The following SYK variants were observed in gnomAD, a reference collection of about 807,000 sequenced individuals.
SYK encodes the protein spleen associated tyrosine kinase.
A neutral mutation model predicts 77.8 loss-of-function variants in SYK; 16 were observed. The observed-to-expected ratio is 0.21, with a 90% CI of 0.14 to 0.31. The LOEUF is 0.31. Ranked by LOEUF, SYK falls within the 10% of genes least tolerant of loss-of-function variation. SYK has a pLI of 1.00. For synonymous variants in SYK, 312 were observed against 308.7 expected, an observed-to-expected ratio of 1.01 and a Z score of -0.11; for missense variants, 529 against 814.4, an observed-to-expected ratio of 0.65 and a Z score of 4.26.
chr9:90,842,483 TTG>T (rs1826404072), intron 1 of SYK, among the ~76,000 whole-genome samples: 1 of 151,364 alleles, frequency 6.6e-6, no homozygotes, highest in South Asian at 2.1e-4. Context: ...TGTATGTAGT[TTG>T]TGTGTATGTG....
chr9:90,852,815 G>A (rs1826869398), intron 3 of SYK, among the ~76,000 whole-genome samples: 1 of 152,200 alleles, frequency 6.6e-6, no homozygotes, highest in Admixed American at 6.5e-5. Flanking sequence ...CAGACATGCA[G>A]CAGGCATTGT....
intron 3 of SYK, among the ~76,000 whole-genome samples, chr9:90,853,288 G>A (rs548412164): frequency 6.7e-6 from 1 of 150,310 alleles, no homozygotes; most frequent in East Asian, 1.9e-4. Flanking sequence ...GAGCAAGTGG[G>A]CTGACTGGAT....
chr9:90,851,674 G>T (rs1382082287), intron 3 of SYK, among the ~76,000 whole-genome samples: 1 of 152,098 alleles, frequency 6.6e-6, no homozygotes, highest in Non-Finnish European at 1.5e-5. Context: ...GAGATCCCCT[G>T]CCCCCAGAGG....
chr9:90,826,011 T>A (rs1389348099), intron 1 of SYK, among the ~76,000 whole-genome samples: 2 of 152,132 alleles, frequency 1.3e-5, no homozygotes, highest in African/African-American at 4.8e-5. Flanking sequence ...CCCTAAGAAT[T>A]TTCATATCCT....
chr9:90,804,814 T>C (rs923440850), intron 1 of SYK, among the ~76,000 whole-genome samples: 2 of 152,240 alleles, frequency 1.3e-5, no homozygotes, highest in African/African-American at 2.4e-5. Context: ...GGTTTTCTAC[T>C]GAGGGATTGT....
At chr9:90,889,562 C>A (rs992773915) in intron 13 of SYK, among the ~76,000 whole-genome samples, 1 of 152,262 alleles carries the variant, frequency 6.6e-6, no homozygotes. Flanking sequence ...GGGAGTATCA[C>A]TCTACCACAA....
At chr9:90,852,009 G>T (rs1325991162) in intron 3 of SYK, among the ~76,000 whole-genome samples, 1 of 152,130 alleles carries the variant, frequency 6.6e-6, no homozygotes, top group Non-Finnish European at 1.5e-5. Context: ...TTAATTAACT[G>T]CCTGACACGT....
At chr9:90,873,155 G>A (rs750595016) in intron 7 of SYK, among the ~76,000 whole-genome samples, 5 of 152,108 alleles carry the variant, frequency 3.3e-5, no homozygotes, top group African/African-American at 7.2e-5. Context: ...TTGGTTTCTC[G>A]CCTTGTAATA....
At chr9:90,891,825 C>T (rs1828804608) in intron 13 of SYK, among the ~76,000 whole-genome samples, 1 of 152,096 alleles carries the variant, frequency 6.6e-6, no homozygotes, top group Non-Finnish European at 1.5e-5. Context: ...TGCTTGAGGC[C>T]CTCCAGAAGA....
chr9:90,835,997 A>C (rs1826068683), intron 1 of SYK, among the ~76,000 whole-genome samples: 1 of 152,202 alleles, frequency 6.6e-6, no homozygotes, highest in South Asian at 2.1e-4. Flanking sequence ...CCAGAAATAT[A>C]AAAAATGTTG....
chr9:90,875,539 C>T (rs1391202924), intron 9 of SYK, among the ~76,000 whole-genome samples: 1 of 152,124 alleles, frequency 6.6e-6, no homozygotes, highest in South Asian at 2.1e-4. Flanking sequence ...TTTGTACACA[C>T]AGATATTATT....
At chr9:90,837,397 G>A (rs542534368) in intron 1 of SYK, among the ~76,000 whole-genome samples, 17 of 152,180 alleles carry the variant, frequency 1.1e-4, no homozygotes, top group African/African-American at 2.2e-4. Flanking sequence ...AACTATGTGC[G>A]GGGGTGGCCA....
At chr9:90,881,587 G>A (rs549331996) in intron 11 of SYK, among the ~76,000 whole-genome samples, 45 of 150,838 alleles carry the variant, frequency 3.0e-4, no homozygotes, top group Non-Finnish European at 1.3e-4. Context: ...GGCTGAGGCA[G>A]GAGAATTGCT....
chr9:90,804,255 G>A (rs1052993980), intron 1 of SYK, among the ~76,000 whole-genome samples: 9 of 152,346 alleles, frequency 5.9e-5, no homozygotes, highest in East Asian at 3.9e-4. Flanking sequence ...CTTCAAGTAA[G>A]AGTGGATGTC....
intron 1 of SYK, among the ~76,000 whole-genome samples, chr9:90,808,401 G>A (rs980207211): frequency 6.6e-6 from 1 of 150,942 alleles, no homozygotes; most frequent in African/African-American, 2.4e-5. Flanking sequence ...TGCATGCTTG[G>A]TGCCTCTCTC....
At chr9:90,818,876 T>C (rs903475405) in intron 1 of SYK, among the ~76,000 whole-genome samples, 4 of 152,242 alleles carry the variant, frequency 2.6e-5, no homozygotes, top group African/African-American at 9.6e-5. Flanking sequence ...GCAGGAATTA[T>C]GCTGGCTCAG....
At chr9:90,876,972 T>C (rs1383219720) in intron 9 of SYK, among the ~76,000 whole-genome samples, 2 of 152,252 alleles carry the variant, frequency 1.3e-5, no homozygotes, top group Admixed American at 1.3e-4. Flanking sequence ...GAAGTTTATT[T>C]ACAAGTTATT....
At chr9:90,874,899 A>G (rs1476033929) in intron 9 of SYK, 50 bp downstream of exon 9, 1 of 1,593,744 alleles carries the variant, frequency 6.3e-7, no homozygotes, top group South Asian at 1.1e-5. Context: ...CTCAGGTTCT[A>G]GACATGACTG....
chr9:90,892,288 G>T (rs768056568), intron 13 of SYK, among the ~76,000 whole-genome samples: 70 of 152,196 alleles, frequency 4.6e-4, no homozygotes, highest in Non-Finnish European at 7.2e-4. Context: ...AAGGGATACT[G>T]TGTTAAATAT....
Sources: allele counts gnomAD v4.1 joint callset (sites outside exome capture counted in the v4.1 genomes callset), GRCh38; gene constraint gnomAD v4.1.1; transcripts MANE v1.5; gene names NCBI Gene and HGNC (gene_info 2026-07-23, HGNC 2026-07-21).